Variants in CHMP4C observed in about 807,000 individuals in gnomAD.
The protein encoded by CHMP4C is charged multivesicular body protein 4C, also known as SNF7 homolog associated with Alix 3.
In CHMP4C, 28 loss-of-function variants were observed where a neutral mutation model predicts 29.0. That is an observed-to-expected ratio of 0.97 (90% CI 0.72 to 1.32). The LOEUF is 1.32. Ranked by LOEUF, CHMP4C falls within the 40% of genes most tolerant of loss-of-function variation. The pLI is 0.00. For synonymous variants in CHMP4C, 106 were observed against 102.4 expected, an observed-to-expected ratio of 1.04 and a Z score of -0.21; for missense variants, 291 against 281.0, an observed-to-expected ratio of 1.04 and a Z score of -0.25.
intron 1 of CHMP4C, among the ~76,000 whole-genome samples, chr8:81,744,652 A>G (rs574104555): frequency 6.6e-5 from 10 of 152,242 alleles, no homozygotes; most frequent in Non-Finnish European, 1.3e-4. Flanking sequence ...CATCTTCTCT[A>G]CTACTTGAGG....
intron 1 of CHMP4C, 143 bp from the exon 2 acceptor site, chr8:81,752,921 G>A (rs1808922639): frequency 3.7e-6 from 2 of 542,406 alleles, no homozygotes; most frequent in Non-Finnish European, 6.2e-6. Flanking sequence ...GACAATATGA[G>A]TTGTTTATTT....
intron 1 of CHMP4C, among the ~76,000 whole-genome samples, chr8:81,743,486 A>G (rs1452266573): frequency 6.6e-6 from 1 of 152,072 alleles, no homozygotes; most frequent in Non-Finnish European, 1.5e-5. Context: ...ATATATTCTG[A>G]CTGGTATCAA....
At chr8:81,742,883 G>A (rs2130481168) in intron 1 of CHMP4C, among the ~76,000 whole-genome samples, 1 of 152,258 alleles carries the variant, frequency 6.6e-6, no homozygotes, top group African/African-American at 2.4e-5. Context: ...TGAGCAGTTT[G>A]AAAAGGTTTA....
At chr8:81,738,670 C>T (rs1286987443) in intron 1 of CHMP4C, among the ~76,000 whole-genome samples, 1 of 152,132 alleles carries the variant, frequency 6.6e-6, no homozygotes, top group Non-Finnish European at 1.5e-5. Context: ...ATAGCAAAAC[C>T]ATGGCTCAGG....
At position 81,744,520 on chromosome 8, in the gene CHMP4C, T is replaced by C. The variant is rs910551460; in HGVS notation, c.191-8544T>C. On this transcript the variant is annotated intron_variant, in intron 1 of 4. Transcript: ENST00000297265. ...ATAGAACTGCTCACCGAGTAAGGCC[T>C]GTTGAACAAGGTTACTGCTACAGCG... 5.3e-5 allele frequency among the ~76,000 whole-genome samples: 8 copies of C among 152,316 alleles called. No homozygotes were observed. The South Asian group carries it at 1.2e-3, about 24-fold the overall frequency.
intron 1 of CHMP4C, among the ~76,000 whole-genome samples, chr8:81,745,763 A>G (rs1336539378): frequency 6.6e-6 from 1 of 152,222 alleles, no homozygotes; most frequent in East Asian, 1.9e-4. Context: ...GCAAGGAGAC[A>G]AAACCCCTGG....
intron 1 of CHMP4C, 39 bp from the exon 2 acceptor site, chr8:81,753,025 T>C (rs1197143231): frequency 6.5e-7 from 1 of 1,545,960 alleles, no homozygotes; most frequent in East Asian, 2.3e-5. Context: ...TTAGTGTCTC[T>C]TTCTCTTTCC....
intron 3 of CHMP4C, 49 bp downstream of exon 3, chr8:81,755,533 T>C: frequency 2.8e-6 from 3 of 1,079,276 alleles, no homozygotes; most frequent in Non-Finnish European, 4.3e-6. Context: ...CTATAAAGAG[T>C]AGCTTCCTGT....
At chr8:81,739,446 T>A (rs1196564259) in intron 1 of CHMP4C, among the ~76,000 whole-genome samples, 4 of 145,354 alleles carry the variant, frequency 2.8e-5, no homozygotes, top group African/African-American at 7.6e-5. Flanking sequence ...AAAAAAGTCT[T>A]ATCCCTGGGG....
chr8:81,751,960 T>C (rs1386341099), intron 1 of CHMP4C, among the ~76,000 whole-genome samples: 2 of 151,898 alleles, frequency 1.3e-5, no homozygotes, highest in Non-Finnish European at 2.9e-5. Flanking sequence ...AAAATGGAAT[T>C]CAAAGCAAAA....
At chr8:81,745,135 T>C (rs1313380580) in intron 1 of CHMP4C, among the ~76,000 whole-genome samples, 5 of 152,222 alleles carry the variant, frequency 3.3e-5, no homozygotes, top group Non-Finnish European at 7.3e-5. Flanking sequence ...GTGATTTGTA[T>C]ATGAGTAAGA....
chr8:81,758,673 C>A lies in CHMP4C; in HGVS notation c.*129C>A. 2 of 697,320 alleles carry A rather than the reference C, an allele frequency of 2.9e-6. No individual in the cohort carries two copies. Among genetic ancestry groups the A allele is most frequent in the Non-Finnish European group, 4.9e-6 (2 of 410,704 alleles). The allele number at this position is 697,320 out of a possible 1,614,324, so 43.2% of individuals were successfully genotyped here. A position where few individuals can be genotyped will look rare whatever the true frequency, so the allele number is the denominator to read the frequency against. On this transcript the variant is annotated 3_prime_UTR_variant, in exon 5 of 5. Coordinates refer to ENST00000297265, the MANE Select transcript of CHMP4C (RefSeq NM_152284.4). ...ATTGAATGAATAATTGTGTTTTAAG[C>A]CTCCTAAGTAAAAGTAAAAAAGGAG...
At chr8:81,738,927 A>T (rs1808725586) in intron 1 of CHMP4C, among the ~76,000 whole-genome samples, 13 of 152,200 alleles carry the variant, frequency 8.5e-5, no homozygotes, top group Admixed American at 8.5e-4. Flanking sequence ...CACTTTGAGA[A>T]TTTATGAAGT....
intron 1 of CHMP4C, among the ~76,000 whole-genome samples, chr8:81,733,438 C>A (rs1384886780): frequency 2.0e-5 from 3 of 151,816 alleles, no homozygotes; most frequent in Admixed American, 2.0e-4. Context: ...GCACGTAAAT[C>A]TTCAGAAAAG....
chr8:81,738,502 A>G (rs1808721518), intron 1 of CHMP4C, among the ~76,000 whole-genome samples: 1 of 152,222 alleles, frequency 6.6e-6, no homozygotes, highest in Non-Finnish European at 1.5e-5. Context: ...AGGAGTGTGC[A>G]CAATCCCACT....
At chr8:81,739,618 C>T (rs1375305397) in intron 1 of CHMP4C, among the ~76,000 whole-genome samples, 1 of 152,210 alleles carries the variant, frequency 6.6e-6, no homozygotes, top group Non-Finnish European at 1.5e-5. Flanking sequence ...AGTAGGAAAA[C>T]CTGAGACATG....
intron 1 of CHMP4C, among the ~76,000 whole-genome samples, chr8:81,740,113 A>G (rs569509513): frequency 6.6e-6 from 1 of 152,326 alleles, no homozygotes; most frequent in East Asian, 1.9e-4. Context: ...TGTTGTTAAA[A>G]TATTGAATAA....
Position 81,732,720 on chromosome 8 carries a change from A to G in CHMP4C, c.94A>G (p.Thr32Ala). 1 of 1,603,026 alleles carries G rather than the reference A, an allele frequency of 6.2e-7. No individual in the cohort carries two copies. Among genetic ancestry groups the G allele is most frequent in the Non-Finnish European group, 8.5e-7 (1 of 1,174,934 alleles). Residue 32 changes from threonine (T) to alanine (A), a missense_variant, in exon 1 of 5, where the codon ACT becomes GCT. Thr to Ala is a moderately conservative substitution (Grantham distance 58). Coordinates refer to ENST00000297265, the MANE Select transcript of CHMP4C (RefSeq NM_152284.4). The stretch of plus-strand genomic sequence containing the variant: ...GGAGGCCCTGGTCCGACTTCGGGAG[A>G]CTGAGGAGATGCTGGGCAAGAAACA... ...PQEALVRLRE[T>A]EEMLGKKQEY...
intron 3 of CHMP4C, among the ~76,000 whole-genome samples, chr8:81,757,613 C>A (rs966439844): frequency 1.3e-5 from 2 of 152,164 alleles, no homozygotes; most frequent in Non-Finnish European, 2.9e-5. Flanking sequence ...GTATACCTAT[C>A]TTGAATTGAA....
Sources: gnomAD v4.1 joint callset for allele counts (sites outside exome capture counted in the v4.1 genomes callset) on GRCh38, gnomAD v4.1.1 for gene constraint, MANE v1.5 for transcripts, NCBI Gene and HGNC (gene_info 2026-07-23, HGNC 2026-07-21) for gene names.